The following SCRN1 variants were observed in gnomAD, a reference collection of about 807,000 sequenced individuals.
SCRN1 encodes the protein secernin 1.
A neutral mutation model predicts 43.3 loss-of-function variants in SCRN1; 19 were observed. The ratio of observed to expected loss-of-function variants is 0.44; its 90% CI spans 0.31 to 0.64. The LOEUF (loss-of-function observed/expected upper bound fraction) is 0.64, where lower values mean the gene tolerates loss of function less well. SCRN1 is among the 30% of genes least tolerant of loss of function. The pLI is 0.09. For missense variants in SCRN1, 447 were observed against 524.1 expected, an observed-to-expected ratio of 0.85 and a Z score of 1.44; for synonymous variants, 183 against 188.9, an observed-to-expected ratio of 0.97 and a Z score of 0.26.
Position 29,965,013 on chromosome 7 carries a change from T to C in SCRN1, c.159+3896A>G, listed in dbSNP as rs575218014. ...CATCAGTTGTAGCGAATGTACCACA[T>C]TGATGCCAGACGTTACTAGCAGGGT... On this transcript the variant is annotated intron_variant, in intron 2 of 7. Coordinates refer to ENST00000242059, the MANE Select transcript of SCRN1 (RefSeq NM_014766.5). This position sits in a 1 kb window ranked among gnomAD's most constrained non-coding sequence, Gnocchi z 4.2. Among the ~76,000 whole-genome samples, 2 of 152,170 alleles carry C rather than the reference T, an allele frequency of 1.3e-5. No homozygotes were observed. Among genetic ancestry groups the C allele is most frequent in the South Asian group, 2.1e-4 (1 of 4,814 alleles).
chr7:29,973,122 C>T (rs968631105), intron 1 of SCRN1, among the ~76,000 whole-genome samples: 2 of 152,116 alleles, frequency 1.3e-5, no homozygotes, highest in South Asian at 2.1e-4. Context: ...GGGACACTTC[C>T]GGAAGACTGA....
At chr7:29,949,610 C>A (rs1474183305) in intron 3 of SCRN1, among the ~76,000 whole-genome samples, 1 of 151,708 alleles carries the variant, frequency 6.6e-6, no homozygotes, top group Non-Finnish European at 1.5e-5. Context: ...CTCCTGGGCT[C>A]AAGCAATCCT....
At chr7:29,939,047 C>A (rs190863777) in intron 5 of SCRN1, among the ~76,000 whole-genome samples, 2 of 152,212 alleles carry the variant, frequency 1.3e-5, no homozygotes, top group South Asian at 2.1e-4. Context: ...TATTTAATAT[C>A]TTTCACCAAG....
At chr7:29,936,067 GA>G (rs1787312809) in intron 6 of SCRN1, among the ~76,000 whole-genome samples, 1 of 152,202 alleles carries the variant, frequency 6.6e-6, no homozygotes, top group Non-Finnish European at 1.5e-5. Context: ...ATGTCTTAAA[GA>G]AGGGGCCAGT....
Position 29,968,873 on chromosome 7 carries a change from A to G in SCRN1, c.159+36T>C, listed in dbSNP as rs1444012270. The stretch of plus-strand genomic sequence containing the variant: ...TGCTAGCGGCAAAGCCAGAGAAAAG[A>G]GAGTGTGACTCGCGAGACTGCAATG... On this transcript the variant is annotated intron_variant, in intron 2 of 7. Coordinates refer to ENST00000242059, the MANE Select transcript of SCRN1 (RefSeq NM_014766.5). 4.3e-6 allele frequency: 7 copies of G among 1,612,392 alleles called. No individual in the cohort carries two copies. In the South Asian group the frequency reaches 6.6e-5, roughly 15 times the overall value.
At chr7:29,943,369 C>T (rs1787621437) in intron 4 of SCRN1, among the ~76,000 whole-genome samples, 1 of 152,162 alleles carries the variant, frequency 6.6e-6, no homozygotes, top group East Asian at 1.9e-4. Context: ...CACTTACTTC[C>T]CCAGGGCTGT....
intron 6 of SCRN1, among the ~76,000 whole-genome samples, chr7:29,935,925 T>C (rs563559291): frequency 6.6e-6 from 1 of 152,328 alleles, no homozygotes; most frequent in Non-Finnish European, 1.5e-5. Flanking sequence ...TGAAATAACT[T>C]ATTCAGCTAC....
At chr7:29,943,207 C>T (rs966021279) in intron 4 of SCRN1, among the ~76,000 whole-genome samples, 5 of 152,232 alleles carry the variant, frequency 3.3e-5, no homozygotes, top group Non-Finnish European at 7.3e-5. Flanking sequence ...ATCACATGGT[C>T]ACCACCCAGT....
intron 1 of SCRN1, among the ~76,000 whole-genome samples, chr7:29,983,080 G>A (rs1308623286): frequency 6.6e-6 from 1 of 151,550 alleles, no homozygotes; most frequent in African/African-American, 2.4e-5. Flanking sequence ...CTCGTGATCC[G>A]CCCACCTCGG....
intron 2 of SCRN1, among the ~76,000 whole-genome samples, chr7:29,962,286 T>C (rs1000906119): frequency 2.7e-5 from 4 of 147,816 alleles, no homozygotes; most frequent in African/African-American, 9.8e-5. Context: ...TAAATTATTA[T>C]ATAATAAATT....
Position 29,950,253 on chromosome 7 carries a change from T to C in SCRN1, c.341+4926A>G, listed in dbSNP as rs1452598063. Reference sequence around the variant, plus strand: ...AAGTTGTGGCTGAGCCCAGGTGCTATTGCAACCTGGCTGGGTGTGCACATG... The same window carrying C: ...AAGTTGTGGCTGAGCCCAGGTGCTACTGCAACCTGGCTGGGTGTGCACATG... On this transcript the variant is annotated intron_variant, in intron 3 of 7. Transcript: ENST00000242059. This position sits in a 1 kb window ranked among gnomAD's most constrained non-coding sequence, Gnocchi z 4.5. Among the ~76,000 whole-genome samples, 1 of 152,218 alleles carries C rather than the reference T, an allele frequency of 6.6e-6. No homozygotes were observed. Among genetic ancestry groups the C allele is most frequent in the Non-Finnish European group, 1.5e-5 (1 of 68,030 alleles).
At chr7:29,972,871 T>C (rs1219524041) in intron 1 of SCRN1, among the ~76,000 whole-genome samples, 1 of 152,234 alleles carries the variant, frequency 6.6e-6, no homozygotes, top group East Asian at 1.9e-4. Flanking sequence ...GTTAGACTGA[T>C]GAAGGAGCAC....
intron 1 of SCRN1, among the ~76,000 whole-genome samples, chr7:29,981,559 T>A (rs1329378237): frequency 6.6e-6 from 1 of 152,200 alleles, no homozygotes. Context: ...GAAGAGATCA[T>A]GAACCATCTC....
At chr7:29,951,728 G>A (rs78454971) in intron 3 of SCRN1, among the ~76,000 whole-genome samples, 7 of 152,256 alleles carry the variant, frequency 4.6e-5, no homozygotes, top group East Asian at 1.9e-4. Flanking sequence ...CACTGAAAAC[G>A]CATTATAAAA....
At chr7:29,986,717 ATTTTTTTTTTTTTT>A (rs553845779) in intron 1 of SCRN1, among the ~76,000 whole-genome samples, 2 of 99,852 alleles carry the variant, frequency 2.0e-5, no homozygotes, top group Admixed American at 1.3e-4. Context: ...AATTTTTTTA[ATTTTTTTTTTTTTT>A]TTTTTTTTTT....
At chr7:29,935,518 G>A (rs373651230) in intron 6 of SCRN1, among the ~76,000 whole-genome samples, 2 of 152,194 alleles carry the variant, frequency 1.3e-5, no homozygotes, top group Admixed American at 1.3e-4. Context: ...AGAACCTACT[G>A]GAATGGGCAG....
At chr7:29,928,994 C>T (rs1043923755) in intron 6 of SCRN1, among the ~76,000 whole-genome samples, 1 of 152,208 alleles carries the variant, frequency 6.6e-6, no homozygotes, top group African/African-American at 2.4e-5. Context: ...GAGAGCACGC[C>T]TAGCCATCCA....
chr7:29,928,881 A>G (rs1787066052), intron 6 of SCRN1, among the ~76,000 whole-genome samples: 1 of 152,240 alleles, frequency 6.6e-6, no homozygotes, highest in Non-Finnish European at 1.5e-5. Context: ...AATTTTTACT[A>G]TATGAAATTG....
At chr7:29,935,234 T>A (rs958574379) in intron 6 of SCRN1, among the ~76,000 whole-genome samples, 1 of 152,208 alleles carries the variant, frequency 6.6e-6, no homozygotes, top group Admixed American at 6.5e-5. Context: ...GTTAGAAACA[T>A]CTATTGATAT....
Sources: gnomAD v4.1 joint callset for allele counts (sites outside exome capture counted in the v4.1 genomes callset) on GRCh38, gnomAD v4.1.1 for gene constraint, Gnocchi (gnomAD v3.1) non-coding constraint, MANE v1.5 for transcripts, NCBI Gene and HGNC (gene_info 2026-07-23, HGNC 2026-07-21) for gene names.